Variants in CNTN5 observed in about 807,000 individuals in gnomAD.
CNTN5 encodes contactin-5.
CNTN5 carries 77 observed loss-of-function variants against 129.1 expected under a neutral mutation model. That is an observed-to-expected ratio of 0.60 (90% CI 0.50 to 0.72). CNTN5 has a LOEUF of 0.72. Ranked by LOEUF, CNTN5 falls within the 30% of genes least tolerant of loss-of-function variation. CNTN5 has a pLI of 0.00. For missense variants in CNTN5, 1,478 were observed against 1,328.8 expected, an observed-to-expected ratio of 1.11 and a Z score of -1.75; for synonymous variants, 509 against 465.6, an observed-to-expected ratio of 1.09 and a Z score of -1.20.
chr11:99,064,109 C>T (rs1252463233), intron 1 of CNTN5, among the ~76,000 whole-genome samples: 2 of 152,072 alleles, frequency 1.3e-5, no homozygotes, highest in Admixed American at 6.6e-5. Context: ...AAAGGAAAAC[C>T]TCTTTATTTA....
intron 2 of CNTN5, among the ~76,000 whole-genome samples, chr11:99,363,041 G>A (rs77317730): frequency 0.032 from 4,904 of 151,776 alleles, 263 homozygotes; most frequent in African/African-American, 0.11. Flanking sequence ...GTATTTTCCA[G>A]TTTGTGGGAA....
chr11:99,311,149 G>C (rs1004583864), intron 1 of CNTN5, among the ~76,000 whole-genome samples: 3 of 152,006 alleles, frequency 2.0e-5, no homozygotes, highest in Non-Finnish European at 4.4e-5. Context: ...GGCTGGTGTC[G>C]ATCTCCTGAC....
At chr11:99,637,389 A>G (rs540457990) in intron 3 of CNTN5, among the ~76,000 whole-genome samples, 5 of 152,292 alleles carry the variant, frequency 3.3e-5, no homozygotes, top group African/African-American at 1.2e-4. Flanking sequence ...ATAGCATAAT[A>G]CTTGTATAAA....
chr11:100,027,435 G>A (rs552524278), intron 9 of CNTN5, among the ~76,000 whole-genome samples: 43 of 152,206 alleles, frequency 2.8e-4, no homozygotes, highest in Middle Eastern at 3.4e-3. Flanking sequence ...CTTAGTACTC[G>A]AACAAATGCC....
intron 2 of CNTN5, among the ~76,000 whole-genome samples, chr11:99,406,073 G>A (rs1942050647): frequency 6.6e-6 from 1 of 151,628 alleles, no homozygotes; most frequent in South Asian, 2.1e-4. Flanking sequence ...TTCACTTGGT[G>A]AGGTTATGTT....
At chr11:100,263,355 T>C (rs1206519059) in intron 17 of CNTN5, among the ~76,000 whole-genome samples, 1 of 152,200 alleles carries the variant, frequency 6.6e-6, no homozygotes, top group African/African-American at 2.4e-5. Context: ...TGGTTCATTT[T>C]ATTGTGTAGG....
At chr11:100,225,210 T>C (rs1358566105) in intron 16 of CNTN5, 4 of 153,104 alleles carry the variant, frequency 2.6e-5, no homozygotes, top group South Asian at 2.1e-4. Flanking sequence ...TACTTCTAAG[T>C]TGGGCTTCCA....
intron 3 of CNTN5, among the ~76,000 whole-genome samples, chr11:99,729,894 G>A (rs1489054636): frequency 1.3e-5 from 2 of 152,116 alleles, no homozygotes; most frequent in South Asian, 2.1e-4. Context: ...ATTGGGGCCT[G>A]TGGGGGTGGT....
At chr11:99,759,709 G>A (rs1488593363) in intron 3 of CNTN5, among the ~76,000 whole-genome samples, 2 of 140,056 alleles carry the variant, frequency 1.4e-5, no homozygotes, top group Non-Finnish European at 3.1e-5. Flanking sequence ...GGGAGGGAGG[G>A]AAAGAGAGAA....
chr11:99,271,372 T>A (rs1863163390), intron 1 of CNTN5, among the ~76,000 whole-genome samples: 1 of 151,900 alleles, frequency 6.6e-6, no homozygotes, highest in Non-Finnish European at 1.5e-5. Flanking sequence ...TTTTCAGTTG[T>A]TGTAAAACAT....
chr11:99,988,499 A>T (rs1035758377), intron 8 of CNTN5, among the ~76,000 whole-genome samples: 1 of 152,240 alleles, frequency 6.6e-6, no homozygotes, highest in African/African-American at 2.4e-5. Flanking sequence ...ATAAAAAGTA[A>T]TGTGAGTGAG....
At position 99,902,205 on chromosome 11, in the gene CNTN5, C is replaced by A. The variant is rs149711146; in HGVS notation, c.578-13849C>A. On this transcript the variant is annotated intron_variant, in intron 6 of 24. Coordinates refer to ENST00000524871, the MANE Select transcript of CNTN5 (RefSeq NM_014361.4). ...AATTTTAGTGAACCAGAGCGTGGAT[C>A]TACTCCTCTGTTTTTGTACAGCCCG... Among the ~76,000 whole-genome samples, 576 of 149,116 alleles carry A rather than the reference C, an allele frequency of 3.9e-3. 6 individuals carry two copies. The highest frequency in any genetic ancestry group is 0.013 in the African/African-American group (515 of 40,708).
intron 3 of CNTN5, among the ~76,000 whole-genome samples, chr11:99,777,981 A>G (rs1264552484): frequency 6.6e-6 from 1 of 151,850 alleles, no homozygotes; most frequent in Non-Finnish European, 1.5e-5. Flanking sequence ...TTTAACAGCC[A>G]TAATAGGCGT....
chr11:99,305,218 T>C (rs1000806120), intron 1 of CNTN5, among the ~76,000 whole-genome samples: 1 of 152,200 alleles, frequency 6.6e-6, no homozygotes, highest in South Asian at 2.1e-4. Context: ...TTTGTCTCTC[T>C]GAATGAATTA....
Position 100,308,349 on chromosome 11 carries a change from CT to C in CNTN5, c.2621-8del. On this transcript the variant is annotated splice_polypyrimidine_tract_variant and intron_variant, in intron 20 of 24. Transcript: ENST00000524871. ...CTTTTTATAATTGTGGTTTATTTTC[CT>C]TCATACAGAACCCAGTGCTGCTCCC... 1 of 1,604,162 alleles carries C rather than the reference CT, an allele frequency of 6.2e-7. No individual in the cohort carries two copies. Among genetic ancestry groups the C allele is most frequent in the Non-Finnish European group, 8.5e-7 (1 of 1,175,514 alleles).
At chr11:99,959,895 A>C (rs546550016) in intron 8 of CNTN5, among the ~76,000 whole-genome samples, 1 of 151,898 alleles carries the variant, frequency 6.6e-6, no homozygotes, top group South Asian at 2.1e-4. Flanking sequence ...TAACTTACCT[A>C]AGGCTATTGC....
At chr11:99,955,924 C>A (rs943884084) in intron 7 of CNTN5, among the ~76,000 whole-genome samples, 1 of 152,000 alleles carries the variant, frequency 6.6e-6, no homozygotes, top group Admixed American at 6.6e-5. Flanking sequence ...ATGTTCAACT[C>A]GTCATTGAAA....
intron 3 of CNTN5, among the ~76,000 whole-genome samples, chr11:99,557,486 A>C (rs1948710898): frequency 6.6e-6 from 1 of 151,484 alleles, no homozygotes; most frequent in Admixed American, 6.6e-5. Flanking sequence ...CTGTCAATTA[A>C]GTCTTTCCTG....
chr11:99,510,188 C>A (rs1025701541), intron 2 of CNTN5, among the ~76,000 whole-genome samples: 1 of 151,712 alleles, frequency 6.6e-6, no homozygotes, highest in African/African-American at 2.4e-5. Flanking sequence ...ACAGAAAGAA[C>A]AAAATGGGGC....
Sources: allele counts gnomAD v4.1 joint callset (sites outside exome capture counted in the v4.1 genomes callset), GRCh38; gene constraint gnomAD v4.1.1; transcripts MANE v1.5; gene names NCBI Gene and HGNC (gene_info 2026-07-23, HGNC 2026-07-21).